Variants in CTTNBP2NL observed in about 807,000 individuals in gnomAD.
CTTNBP2NL encodes the protein CTTNBP2 N-terminal-like protein.
In CTTNBP2NL, 16 loss-of-function variants were observed where a neutral mutation model predicts 32.5. The ratio of observed to expected loss-of-function variants is 0.49; its 90% CI spans 0.33 to 0.75. The LOEUF (loss-of-function observed/expected upper bound fraction) is 0.75. CTTNBP2NL is among the 30% of genes least tolerant of loss of function. CTTNBP2NL has a pLI of 0.02. For synonymous variants in CTTNBP2NL, 298 were observed against 289.4 expected (o/e 1.03, Z -0.30); for missense variants, 645 against 756.0 (o/e 0.85, Z 1.72).
At position 112,458,446 on chromosome 1, in the gene CTTNBP2NL, C is replaced by T. The variant is rs1650448154; in HGVS notation, c.*1034C>T. On this transcript the variant is annotated 3_prime_UTR_variant, in exon 6 of 6. Transcript: ENST00000271277. ...GCTTAAATGGGAAGTATACATATAT[C>T]TGTATAGATACATTACCCCTTTACA... 6.6e-6 allele frequency: 1 copy of T among 152,578 alleles called. No individual in the cohort carries two copies. Among genetic ancestry groups the T allele is most frequent in the African/African-American group, 2.4e-5 (1 of 41,440 alleles). The allele number at this position is 152,578 out of a possible 1,614,324, so 9.5% of individuals were successfully genotyped here.
At chr1:112,451,780 A>AC (rs1389822783) in intron 4 of CTTNBP2NL, among the ~76,000 whole-genome samples, 2 of 127,468 alleles carry the variant, frequency 1.6e-5, no homozygotes, top group Non-Finnish European at 1.8e-5. Context: ...AAAAAAAAAA[A>AC]AAAACACAAA....
intron 5 of CTTNBP2NL, 52 bp downstream of exon 5, chr1:112,454,608 C>A: frequency 7.6e-7 from 1 of 1,310,006 alleles, no homozygotes; most frequent in Non-Finnish European, 1.1e-6. Flanking sequence ...CAGCATTTCC[C>A]AAAGATTATT....
chr1:112,458,579 C>T lies in CTTNBP2NL; in HGVS notation c.*1167C>T, dbSNP rs1650452379. 2.0e-5 allele frequency: 3 copies of T among 151,958 alleles called. No homozygotes were observed. The highest frequency in any genetic ancestry group is 2.1e-4 in the South Asian group (1 of 4,822). 9.4% of individuals were successfully genotyped at this position (151,958 alleles called of 1,614,324 possible). A position where few individuals can be genotyped will look rare whatever the true frequency, so the allele number is the denominator to read the frequency against. ...AGAACTGCACATTAAGATTACCTAC[C>T]GAAGCAACTAGATGTGGCTGGGACA... On this transcript the variant is annotated 3_prime_UTR_variant, in exon 6 of 6. Coordinates refer to ENST00000271277, the MANE Select transcript of CTTNBP2NL (RefSeq NM_018704.3).
At chr1:112,455,714 C>T (rs1007839961) in intron 5 of CTTNBP2NL, among the ~76,000 whole-genome samples, 1 of 152,218 alleles carries the variant, frequency 6.6e-6, no homozygotes, top group African/African-American at 2.4e-5. Flanking sequence ...CTAATCACTG[C>T]AAGACAGTAT....
intron 1 of CTTNBP2NL, among the ~76,000 whole-genome samples, chr1:112,409,180 T>C (rs1051869202): frequency 2.6e-5 from 4 of 151,754 alleles, no homozygotes; most frequent in African/African-American, 9.7e-5. Context: ...CAATTTCCTT[T>C]ATAACTTTGC....
chr1:112,446,287 G>A (rs1175137347), intron 3 of CTTNBP2NL, among the ~76,000 whole-genome samples: 3 of 151,546 alleles, frequency 2.0e-5, no homozygotes, highest in Non-Finnish European at 2.9e-5. Flanking sequence ...GATCACTTGA[G>A]CCCAGGAGGT....
intron 3 of CTTNBP2NL, among the ~76,000 whole-genome samples, chr1:112,432,490 GTATTAT>G (rs1364344936): frequency 2.0e-5 from 3 of 152,046 alleles, no homozygotes; most frequent in Non-Finnish European, 4.4e-5. Flanking sequence ...GCATATTATT[GTATTAT>G]TATTAAGTCT....
Position 112,456,091 on chromosome 1 carries a change from C to T in CTTNBP2NL, c.599C>T (p.Ala200Val). 1 of 1,614,052 alleles carries T rather than the reference C, an allele frequency of 6.2e-7. No individual in the cohort carries two copies. Among genetic ancestry groups the T allele is most frequent in the Non-Finnish European group, 8.5e-7 (1 of 1,180,002 alleles). The change falls in exon 6 of 6, where the codon GCA becomes GTA. Residue 200 changes from alanine to valine, a missense_variant. Physicochemically the swap from Ala to Val is moderately conservative, Grantham distance 64 (BLOSUM62 0). Transcript: ENST00000271277. Reference sequence around the variant, plus strand: ...AAGGCAGCCGAGGAAGGACAGAAGGCAGGAGAGCTGAGCCTGAAATTGGAG... The same window carrying T: ...AAGGCAGCCGAGGAAGGACAGAAGGTAGGAGAGCTGAGCCTGAAATTGGAG... ...TNKAAEEGQK[A>V]GELSLKLEKE...
chr1:112,454,777 CTG>C (rs1045112093), intron 5 of CTTNBP2NL, among the ~76,000 whole-genome samples: 7 of 152,168 alleles, frequency 4.6e-5, no homozygotes, highest in African/African-American at 1.4e-4. Flanking sequence ...ATAGGGTATT[CTG>C]TGTTTAGCAA....
At chr1:112,422,301 G>A (rs920475505) in intron 3 of CTTNBP2NL, among the ~76,000 whole-genome samples, 5 of 152,132 alleles carry the variant, frequency 3.3e-5, no homozygotes, top group Admixed American at 2.6e-4. Flanking sequence ...TATTCATGTC[G>A]TTGTGTATAT....
intron 5 of CTTNBP2NL, among the ~76,000 whole-genome samples, chr1:112,455,464 T>C (rs543111756): frequency 2.0e-5 from 3 of 152,196 alleles, no homozygotes; most frequent in Admixed American, 2.0e-4. Context: ...TATTGCACCA[T>C]TGCACTCCAG....
chr1:112,447,925 C>G (rs954954930), intron 3 of CTTNBP2NL, among the ~76,000 whole-genome samples: 2 of 152,132 alleles, frequency 1.3e-5, no homozygotes, highest in African/African-American at 4.8e-5. Flanking sequence ...TGTAAAATAT[C>G]TCAAGAAACT....
rs1250395254 is a variant in CTTNBP2NL at position 112,456,444 on chromosome 1, C to T, written c.952C>T (p.Pro318Ser). Residue 318 changes from proline to serine, a missense_variant, in exon 6 of 6, where the codon CCA (proline) becomes TCA (serine). By Grantham distance (74) the Pro-to-Ser change is moderately conservative (BLOSUM62 -1). Transcript: ENST00000271277. The part of the protein sequence containing the change: ...MSVFCQTESF[P>S]AERTHGSNIA... ...TGTGTTTTGCCAAACAGAGAGTTTT[C>T]CAGCAGAAAGAACCCATGGGAGCAA... 1.2e-6 allele frequency: 2 copies of T among 1,614,002 alleles called. No homozygotes were observed. Among genetic ancestry groups the T allele is most frequent in the African/African-American group, 1.3e-5 (1 of 74,898 alleles).
In CTTNBP2NL at chr1:112,440,868, CTG is replaced by C. The variant is rs1377580877; in HGVS notation, c.100-8072_100-8071del. ...ATAGATTAGATATGTAAAAAGCACA[CTG>C]TTTCGCAGGCAATAAACGCTCGAGT... On this transcript the variant is annotated intron_variant, in intron 3 of 5. Transcript: ENST00000271277. Among the ~76,000 whole-genome samples the C allele has an allele frequency of 3.3e-5, 5 of 152,162 alleles. 1 individual carries two copies. In the South Asian group the frequency reaches 6.2e-4, roughly 19 times the overall value.
At chr1:112,436,674 T>C (rs904571606) in intron 3 of CTTNBP2NL, among the ~76,000 whole-genome samples, 2 of 151,858 alleles carry the variant, frequency 1.3e-5, no homozygotes, top group Non-Finnish European at 2.9e-5. Context: ...TTTTTAACTT[T>C]TATTTTAAGT....
At chr1:112,446,129 G>A (rs895516132) in intron 3 of CTTNBP2NL, among the ~76,000 whole-genome samples, 2 of 151,522 alleles carry the variant, frequency 1.3e-5, no homozygotes, top group African/African-American at 4.9e-5. Context: ...GCTGCATAAA[G>A]AGATTATTTT....
intron 1 of CTTNBP2NL, among the ~76,000 whole-genome samples, chr1:112,399,343 T>C (rs1162234817): frequency 8.4e-6 from 1 of 118,616 alleles, no homozygotes; most frequent in Non-Finnish European, 1.7e-5. Context: ...AAAAAAAGAA[T>C]AGTTTCTGAG....
At chr1:112,437,745 G>A (rs370704944) in intron 3 of CTTNBP2NL, among the ~76,000 whole-genome samples, 38 of 152,118 alleles carry the variant, frequency 2.5e-4, no homozygotes, top group African/African-American at 8.9e-4. Flanking sequence ...GGATGGTCTC[G>A]ATCTCCTGAG....
intron 3 of CTTNBP2NL, among the ~76,000 whole-genome samples, chr1:112,418,420 A>T (rs1649127411): frequency 6.6e-6 from 1 of 152,178 alleles, no homozygotes; most frequent in East Asian, 1.9e-4. Context: ...TTGGCATAGA[A>T]CCAGGGAAAG....
Sources: gnomAD v4.1 joint callset for allele counts (sites outside exome capture counted in the v4.1 genomes callset) on GRCh38, gnomAD v4.1.1 for gene constraint, MANE v1.5 for transcripts, NCBI Gene and HGNC (gene_info 2026-07-23, HGNC 2026-07-21) for gene names.